Variants in WNT10B observed in about 807,000 individuals in gnomAD.
WNT10B encodes the protein Wnt family member 10B, also known as protein Wnt-10b.
Under a neutral mutation model 32.7 loss-of-function variants are expected in WNT10B, and 26 were observed. That is an observed-to-expected ratio of 0.79 (90% CI 0.58 to 1.10). WNT10B has a LOEUF of 1.10. WNT10B is among the 50% of genes least tolerant of loss of function. WNT10B has a pLI of 0.00. For missense variants in WNT10B, 474 were observed against 532.5 expected, an observed-to-expected ratio of 0.89 and a Z score of 1.08; for synonymous variants, 204 against 220.4, an observed-to-expected ratio of 0.93 and a Z score of 0.66.
Position 48,966,186 on chromosome 12 carries a change from C to T in WNT10B, c.1079G>A (p.Arg360Gln). The change falls in exon 5 of 5, where the codon CGA becomes CAA. Residue 360 changes from arginine (R) to glutamine (Q), a missense_variant. Transcript: ENST00000301061. ...GAAGCGGCAATGGCAGCGCTCAACT[C>T]GTGTCTGCCGGAGCACGTTGTGCCC... ...GRGHNVLRQTRVERCHCRFHW... is the reference protein window; with the variant it reads ...GRGHNVLRQTQVERCHCRFHW... 5 of 1,613,656 alleles carry T rather than the reference C, an allele frequency of 3.1e-6. No individual in the cohort carries two copies. Among genetic ancestry groups the T allele is most frequent in the Non-Finnish European group, 4.2e-6 (5 of 1,179,866 alleles).
chr12:48,968,729 C>T (rs1940790101), intron 3 of WNT10B, among the ~76,000 whole-genome samples: 1 of 151,926 alleles, frequency 6.6e-6, no homozygotes, highest in African/African-American at 2.4e-5. Context: ...ATTCCCCCAA[C>T]CCTGCAGGGA....
chr12:48,966,202 CGTT>C lies in WNT10B; in HGVS notation c.1060_1062del (p.Asn354del). 6.2e-7 allele frequency: 1 copy of C among 1,613,888 alleles called. No individual in the cohort carries two copies. Among genetic ancestry groups the C allele is most frequent in the Non-Finnish European group, 8.5e-7 (1 of 1,179,892 alleles). ...CGCTCAACTCGTGTCTGCCGGAGCACGTTGTGCCCACGGCCACAGCACAGGCTG... is the reference window on the plus strand; with the variant it reads ...CGCTCAACTCGTGTCTGCCGGAGCACGTGCCCACGGCCACAGCACAGGCTG... On this transcript the variant is annotated inframe_deletion, in exon 5 of 5. Coordinates refer to ENST00000301061, the MANE Select transcript of WNT10B (RefSeq NM_003394.4).
chr12:48,968,225 A>G lies in WNT10B; in HGVS notation c.432T>C (p.Cys144=). 1.2e-6 allele frequency: 2 copies of G among 1,612,696 alleles called. No homozygotes were observed. Among genetic ancestry groups the G allele is most frequent in the East Asian group, 2.2e-5 (1 of 44,892 alleles). ...TACSLGKLVS[C]GCGWKGSGEQ... is the part of the protein sequence containing the mutation. ...CACCACTGCCCTTCCAGCCACAGCC[A>G]CAGCTCACCAGCTTGCCCAGGCTGC... The change falls in exon 4 of 5, where the codon TGT becomes TGC. Residue 144 remains cysteine (C), a synonymous_variant. Coordinates refer to ENST00000301061, the MANE Select transcript of WNT10B (RefSeq NM_003394.4).
chr12:48,970,473 G>T lies in WNT10B; in HGVS notation c.57C>A (p.Phe19Leu). 6.2e-7 allele frequency: 1 copy of T among 1,612,770 alleles called. No individual in the cohort carries two copies. Among genetic ancestry groups the T allele is most frequent in the Non-Finnish European group, 8.5e-7 (1 of 1,179,594 alleles). The stretch of plus-strand genomic sequence containing the variant: ...CTGCTCACCGACTGCACAACGCCAG[G>T]AACAGGAGACCCGCGAGGCCCGAGG... ...PPPSGLAGLL[F>L]LALCSRALSN... Residue 19 changes from phenylalanine to leucine, a missense_variant, in exon 2 of 5, where the codon TTC (phenylalanine) becomes TTA (leucine). Coordinates refer to ENST00000301061, the MANE Select transcript of WNT10B (RefSeq NM_003394.4). This position sits in a 1 kb window ranked among gnomAD's most constrained non-coding sequence, Gnocchi z 5.0.
chr12:48,969,609 C>A (rs1237022340), intron 3 of WNT10B, among the ~76,000 whole-genome samples: 5 of 152,150 alleles, frequency 3.3e-5, no homozygotes, highest in African/African-American at 4.8e-5. Flanking sequence ...GTCTTTGTTC[C>A]CAGCTTTGGC....
At position 48,966,454 on chromosome 12, in the gene WNT10B, C is replaced by G. The variant is rs1190173250; in HGVS notation, c.811G>C (p.Val271Leu). ...AGCCGCTCCCTCAACGCCGCCCCCACTGCCCGGAACTCTGGGGCCGCCCTC... is the reference window on the plus strand; with the variant it reads ...AGCCGCTCCCTCAACGCCGCCCCCAGTGCCCGGAACTCTGGGGCCGCCCTC... ...CWRAAPEFRA[V>L]GAALRERLGR... Residue 271 changes from valine (V) to leucine (L), a missense_variant, in exon 5 of 5, where the codon GTG becomes CTG. Transcript: ENST00000301061. The G allele has an allele frequency of 5.0e-6, 8 of 1,613,954 alleles. No homozygotes were observed.
chr12:48,968,463 G>C, intron 3 of WNT10B, 144 bp from the exon 4 acceptor site: 1 of 1,350,264 alleles, frequency 7.4e-7, no homozygotes, highest in South Asian at 1.3e-5. Context: ...TGAGTGATTT[G>C]GAGGAAAGTC....
Position 48,966,074 on chromosome 12 carries a change from GC to G in WNT10B, c.*20del. The G allele has an allele frequency of 6.2e-7, 1 of 1,613,146 alleles. No homozygotes were observed. Reference sequence around the variant, plus strand: ...CCCTCTCACACAGTCCTCTTCCCCAGCCCCAAGGTAAGGCTGACCCTCACTT... The same window carrying G: ...CCCTCTCACACAGTCCTCTTCCCCAGCCCAAGGTAAGGCTGACCCTCACTT... On this transcript the variant is annotated 3_prime_UTR_variant, in exon 5 of 5. Coordinates refer to ENST00000301061, the MANE Select transcript of WNT10B (RefSeq NM_003394.4).
chr12:48,968,205 C>G lies in WNT10B; in HGVS notation c.452G>C (p.Ser151Thr), dbSNP rs768417955. The change falls in exon 4 of 5, where the codon AGT becomes ACT. Residue 151 changes from serine (S) to threonine (T), a missense_variant. Physicochemically the swap from Ser to Thr is moderately conservative, Grantham distance 58. Transcript: ENST00000301061. ...GGCCCTCAGCCGATCCTGCTCACCA[C>G]TGCCCTTCCAGCCACAGCCACAGCT... is the stretch of plus-strand genomic sequence containing the variant. ...LVSCGCGWKG[S>T]GEQDRLRAKL... 6.2e-7 allele frequency: 1 copy of G among 1,613,532 alleles called. No individual in the cohort carries two copies. Among genetic ancestry groups the G allele is most frequent in the South Asian group, 1.1e-5 (1 of 91,090 alleles).
At position 48,970,265 on chromosome 12, in the gene WNT10B, A is replaced by C. The variant is rs1940827775; in HGVS notation, c.161T>G (p.Leu54Arg). Residue 54 changes from leucine (L) to arginine (R), a missense_variant, in exon 3 of 5, where the codon CTG becomes CGG. Leu to Arg is a moderately radical substitution (Grantham distance 102). Coordinates refer to ENST00000301061, the MANE Select transcript of WNT10B (RefSeq NM_003394.4). The surrounding 1 kb of genome is among the most constrained non-coding windows in gnomAD (Gnocchi z 5.0). ...ANTVCLTLSG[L>R]SKRQLGLCLR... is the part of the protein sequence containing the mutation. ...GCACAGGCCTAGCTGCCGCTTGCTCAGGCCGGACAGCGTCAAGCACACGGT... is the reference window on the plus strand; with the variant it reads ...GCACAGGCCTAGCTGCCGCTTGCTCCGGCCGGACAGCGTCAAGCACACGGT... 6.2e-7 allele frequency: 1 copy of C among 1,613,452 alleles called. No individual in the cohort carries two copies. The highest frequency in any genetic ancestry group is 8.5e-7 in the Non-Finnish European group (1 of 1,179,770).
At chr12:48,968,995 T>G in intron 3 of WNT10B, 1 of 452,852 alleles carries the variant, frequency 2.2e-6, no homozygotes, top group South Asian at 1.6e-5. Flanking sequence ...AGGAGAGAGG[T>G]TGGGGAGTGA....
At position 48,966,525 on chromosome 12, in the gene WNT10B, C is replaced by T. The variant is rs917751200; in HGVS notation, c.740G>A (p.Cys247Tyr). Residue 247 changes from cysteine (C) to tyrosine (Y), a missense_variant, in exon 5 of 5, where the codon TGC (cysteine) becomes TAC (tyrosine). By Grantham distance (194) the Cys-to-Tyr change is radical. Transcript: ENST00000301061. Reference protein sequence around the residue: ...QVVTENLKRKCKCHGTSGSCQ... With the variant: ...QVVTENLKRKYKCHGTSGSCQ... ...GCTGCCTGATGTGCCATGACACTTGCATTTCCGCTTCAGGTTTTCAGTTAC... is the reference window on the plus strand; with the variant it reads ...GCTGCCTGATGTGCCATGACACTTGTATTTCCGCTTCAGGTTTTCAGTTAC... 3.1e-6 allele frequency: 5 copies of T among 1,613,830 alleles called. No homozygotes were observed. Among genetic ancestry groups the T allele is most frequent in the Admixed American group, 3.3e-5 (2 of 60,024 alleles).
At position 48,968,080 on chromosome 12, in the gene WNT10B, T is replaced by TGTCCTGGG; in HGVS notation, c.569_576dup (p.Thr193ProfsTer50). 6.2e-7 allele frequency: 1 copy of TGTCCTGGG among 1,614,276 alleles called. No homozygotes were observed. The highest frequency in any genetic ancestry group is 8.5e-7 in the Non-Finnish European group (1 of 1,180,052). On this transcript the variant is annotated frameshift_variant, in exon 4 of 5. Transcript: ENST00000301061. LOFTEE classifies it high-confidence loss of function. ...TGGTTACAGCCACCCCATTCCCATGTGTCCTGGGGGCCAGGGCTGGGGCTT... is the reference window on the plus strand; with the variant it reads ...TGGTTACAGCCACCCCATTCCCATGTGTCCTGGGGTCCTGGGGGCCAGGGCTGGGGCTT...
Position 48,966,503 on chromosome 12 carries a change from G to A in WNT10B, c.762C>T (p.Gly254=), listed in dbSNP as rs752142879. The change falls in exon 5 of 5, where the codon GGC becomes GGT. Residue 254 remains glycine (G), a synonymous_variant. Transcript: ENST00000301061. ...KRKCKCHGTS[G]SCQFKTCWRA... is the part of the protein sequence containing the mutation. Reference sequence around the variant, plus strand: ...TCCAGCATGTCTTGAACTGGCAGCTGCCTGATGTGCCATGACACTTGCATT... The same window carrying A: ...TCCAGCATGTCTTGAACTGGCAGCTACCTGATGTGCCATGACACTTGCATT... 6.8e-6 allele frequency: 11 copies of A among 1,613,892 alleles called. No individual in the cohort carries two copies. Among genetic ancestry groups the A allele is most frequent in the African/African-American group, 4.0e-5 (3 of 74,934 alleles).
rs1940831390 is a variant in WNT10B, at chr12:48,970,376, GT to G, written c.75-26del. On this transcript the variant is annotated intron_variant, in intron 2 of 4. Coordinates refer to ENST00000301061, the MANE Select transcript of WNT10B (RefSeq NM_003394.4). The surrounding 1 kb of genome is among the most constrained non-coding windows in gnomAD (Gnocchi z 5.0). ...CCTGGGAACCAAGAAGGCGTCTGGG[GT>G]CTGCGGTCCAGACCCCTCCAACTCT... The G allele has an allele frequency of 6.2e-7, 1 of 1,613,988 alleles. No homozygotes were observed. Among genetic ancestry groups the G allele is most frequent in the Non-Finnish European group, 8.5e-7 (1 of 1,179,978 alleles).
At position 48,970,644 on chromosome 12, in the gene WNT10B, G is replaced by A; in HGVS notation, c.-40-75C>T. ...GGGGAACCAAGTGACGCCCTTCTTC[G>A]GGCTCCTAACCCACCGGTGCCACCC... On this transcript the variant is annotated intron_variant, in intron 1 of 4. Transcript: ENST00000301061. The surrounding 1 kb of genome is among the most constrained non-coding windows in gnomAD (Gnocchi z 5.0). 2.4e-6 allele frequency: 3 copies of A among 1,251,848 alleles called. No individual in the cohort carries two copies. Among genetic ancestry groups the A allele is most frequent in the Non-Finnish European group, 3.4e-6 (3 of 883,210 alleles). 77.5% of individuals were successfully genotyped at this position (1,251,848 alleles called of 1,614,324 possible).
At chr12:48,969,552 C>G (rs1940807243) in intron 3 of WNT10B, among the ~76,000 whole-genome samples, 1 of 152,172 alleles carries the variant, frequency 6.6e-6, no homozygotes, top group South Asian at 2.1e-4. Flanking sequence ...CTGGAGCCCC[C>G]ACAGCACAGA....
rs746628574 is a variant in WNT10B, at chr12:48,966,117, T to C, written c.1148A>G (p.Glu383Gly). Residue 383 changes from glutamate to glycine, a missense_variant, in exon 5 of 5, where the codon GAG becomes GGG. Glu to Gly is a moderately conservative substitution (Grantham distance 98). Transcript: ENST00000301061. ...CCCTCACTTACACACATTCACCCAC[T>C]CTGTAACCTTGCACTCATCACACAG... ...YVLCDECKVT[E>G]WVNVCK 2.5e-6 allele frequency: 4 copies of C among 1,613,552 alleles called. No individual in the cohort carries two copies. The highest frequency in any genetic ancestry group is 1.1e-5 in the South Asian group (1 of 91,088).
chr12:48,967,773 T>C (rs775833222), intron 4 of WNT10B, among the ~76,000 whole-genome samples, 173 bp downstream of exon 4: 64 of 152,144 alleles, frequency 4.2e-4, no homozygotes, highest in Admixed American at 1.6e-3. Flanking sequence ...CTTAATAACA[T>C]TGTAAGATAA....
Sources: gnomAD v4.1 joint callset for allele counts (sites outside exome capture counted in the v4.1 genomes callset) on GRCh38, gnomAD v4.1.1 for gene constraint, Gnocchi (gnomAD v3.1) non-coding constraint, MANE v1.5 for transcripts, NCBI Gene and HGNC (gene_info 2026-07-23, HGNC 2026-07-21) for gene names.